Variants in EPB41L4A observed in about 807,000 individuals in gnomAD.
EPB41L4A encodes the protein erythrocyte membrane protein band 4.1 like 4A.
In EPB41L4A, 100 loss-of-function variants were observed where a neutral mutation model predicts 108.6. The observed-to-expected ratio is 0.92, with a 90% CI of 0.78 to 1.09. The LOEUF (loss-of-function observed/expected upper bound fraction) is 1.09. EPB41L4A is among the 50% of genes least tolerant of loss of function. The pLI is 0.00. For synonymous variants in EPB41L4A, 319 were observed against 289.0 expected (o/e 1.10, Z -1.05); for missense variants, 1,030 against 842.7 (o/e 1.22, Z -2.75).
chr5:112,273,823 G>T (rs1752430903), intron 4 of EPB41L4A, among the ~76,000 whole-genome samples: 1 of 152,062 alleles, frequency 6.6e-6, no homozygotes, highest in African/African-American at 2.4e-5. Flanking sequence ...GTTTCCCTCT[G>T]AAACTCTAAT....
At chr5:112,313,014 G>A (rs1755147184) in intron 1 of EPB41L4A, among the ~76,000 whole-genome samples, 2 of 152,196 alleles carry the variant, frequency 1.3e-5, no homozygotes, top group Non-Finnish European at 2.9e-5. Context: ...TGAAACACAT[G>A]ACTTCATTCA....
intron 1 of EPB41L4A, among the ~76,000 whole-genome samples, chr5:112,413,494 G>T (rs1762528816): frequency 6.6e-6 from 1 of 152,144 alleles, no homozygotes; most frequent in Non-Finnish European, 1.5e-5. Context: ...TAGTTAATAA[G>T]CATCTACCAC....
rs572110955 is a variant in EPB41L4A, at chr5:112,227,815, C to T, written c.1087+6819G>A. On this transcript the variant is annotated intron_variant, in intron 12 of 22. Coordinates refer to ENST00000261486, the MANE Select transcript of EPB41L4A (RefSeq NM_022140.5). ...CAGAGCTATACTTCATCAAATGAAA[C>T]TGTACTTCATTATATCGAATAATTT... 3.1e-4 allele frequency among the ~76,000 whole-genome samples: 47 copies of T among 152,328 alleles called. 1 individual carries two copies. In the South Asian group the frequency reaches 6.0e-3, roughly 19 times the overall value.
intron 17 of EPB41L4A, among the ~76,000 whole-genome samples, chr5:112,187,184 G>T (rs1201317486): frequency 6.6e-6 from 1 of 152,148 alleles, no homozygotes; most frequent in Non-Finnish European, 1.5e-5. Context: ...TGTCATTTAT[G>T]TTGTGGATCT....
At chr5:112,252,656 A>G (rs534954331) in intron 9 of EPB41L4A, among the ~76,000 whole-genome samples, 15 of 152,110 alleles carry the variant, frequency 9.9e-5, no homozygotes, top group Non-Finnish European at 1.9e-4. Context: ...TTGAATACAC[A>G]TGAACATGAA....
intron 15 of EPB41L4A, among the ~76,000 whole-genome samples, chr5:112,200,710 T>C (rs1762177894): frequency 6.6e-6 from 1 of 152,220 alleles, no homozygotes; most frequent in South Asian, 2.1e-4. Context: ...ACAAGCAGGC[T>C]TCAGGGTCTC....
intron 12 of EPB41L4A, among the ~76,000 whole-genome samples, chr5:112,211,309 C>T (rs541976221): frequency 6.6e-6 from 1 of 152,262 alleles, no homozygotes; most frequent in Non-Finnish European, 1.5e-5. Flanking sequence ...GTGGGCCAGG[C>T]GCAGTGGCTC....
intron 1 of EPB41L4A, among the ~76,000 whole-genome samples, chr5:112,310,767 G>T (rs1232257172): frequency 2.0e-5 from 3 of 151,998 alleles, no homozygotes; most frequent in Non-Finnish European, 4.4e-5. Flanking sequence ...CTGCTAATGT[G>T]CAAACAATCC....
At position 112,150,211 on chromosome 5, in the gene EPB41L4A, C is replaced by T. The variant is rs115700046; in HGVS notation, n.995-4213G>A. 7.5e-3 allele frequency among the ~76,000 whole-genome samples: 1,134 copies of T among 152,122 alleles called. 6 individuals carry two copies. Among genetic ancestry groups the T allele is most frequent in the Middle Eastern group, 0.01 (3 of 294 alleles). On this transcript the variant is annotated intron_variant and non_coding_transcript_variant, in intron 12 of 13. Coordinates refer to the EPB41L4A transcript ENST00000507810. ...TACTCAGCAAAAACAAACATAAAGG[C>T]TTTCTAGAGGAACAGACTCAAATGG...
At chr5:112,418,506 C>G (rs1376648353) in intron 1 of EPB41L4A, among the ~76,000 whole-genome samples, 2 of 151,148 alleles carry the variant, frequency 1.3e-5, no homozygotes, top group Admixed American at 1.3e-4. Flanking sequence ...TAATGCGTTT[C>G]AACGAGTGAA....
At chr5:112,158,566 T>C (rs549088903), downstream of EPB41L4A, 1 of 175,850 alleles carries the variant, frequency 5.7e-6, no homozygotes. Flanking sequence ...AATCAAGACA[T>C]ACCCGAGACT....
intron 2 of EPB41L4A, among the ~76,000 whole-genome samples, chr5:112,289,594 C>A (rs946372617): frequency 2.6e-5 from 4 of 152,224 alleles, no homozygotes; most frequent in African/African-American, 9.6e-5. Context: ...ATCCTTCCCT[C>A]CCTTTGCCCT....
chr5:112,278,620 A>G (rs190216195), intron 3 of EPB41L4A, among the ~76,000 whole-genome samples: 4 of 152,288 alleles, frequency 2.6e-5, no homozygotes, highest in African/African-American at 9.6e-5. Context: ...CTTAAATAAA[A>G]TATTTCATAC....
chr5:112,320,058 A>C (rs1410946967), intron 1 of EPB41L4A, among the ~76,000 whole-genome samples: 1 of 152,232 alleles, frequency 6.6e-6, no homozygotes, highest in Non-Finnish European at 1.5e-5. Context: ...CTCTTCTGTT[A>C]AGCTTGAAAT....
At chr5:112,348,237 C>G (rs1172147081) in intron 1 of EPB41L4A, among the ~76,000 whole-genome samples, 1 of 152,180 alleles carries the variant, frequency 6.6e-6, no homozygotes, top group East Asian at 1.9e-4. Context: ...TTCATGAAAC[C>G]ATCTGCGACA....
chr5:112,208,064 G>A (rs1240980469), intron 13 of EPB41L4A, among the ~76,000 whole-genome samples: 1 of 152,030 alleles, frequency 6.6e-6, no homozygotes, highest in African/African-American at 2.4e-5. Flanking sequence ...TGGCCAACCT[G>A]GTAAAACCCC....
chr5:112,184,046 T>G lies in EPB41L4A; in HGVS notation c.1592A>C (p.Asn531Thr). The G allele has an allele frequency of 6.2e-7, 1 of 1,614,052 alleles. No individual in the cohort carries two copies. The highest frequency in any genetic ancestry group is 8.5e-7 in the Non-Finnish European group (1 of 1,179,944). ...AGATCTGTGTCTGGATCGCCTGTTG[T>G]TGGGGTCGGCTTGGTTTTTTTCCTT... ...RQKEKNQADP[N>T]NRRSRHRSRS... The change falls in exon 18 of 23, where the codon AAC becomes ACC. Residue 531 changes from asparagine (N) to threonine (T), a missense_variant. Transcript: ENST00000261486.
intron 1 of EPB41L4A, among the ~76,000 whole-genome samples, chr5:112,391,576 CTA>C (rs1760944918): frequency 6.6e-6 from 1 of 152,020 alleles, no homozygotes; most frequent in Admixed American, 6.6e-5. Context: ...AAATATGGGA[CTA>C]TGTGAAAAGA....
chr5:112,258,649 G>C (rs900892483), intron 9 of EPB41L4A, among the ~76,000 whole-genome samples: 2 of 152,130 alleles, frequency 1.3e-5, no homozygotes, highest in African/African-American at 4.8e-5. Flanking sequence ...CACACATCAA[G>C]GCATGAAAGC....
Sources: allele counts gnomAD v4.1 joint callset (sites outside exome capture counted in the v4.1 genomes callset), GRCh38; gene constraint gnomAD v4.1.1; transcripts MANE v1.5; gene names NCBI Gene and HGNC (gene_info 2026-07-23, HGNC 2026-07-21).